Variants in GUCA1C observed in about 807,000 individuals in gnomAD.
The protein encoded by GUCA1C is guanylate cyclase activator 1C.
Under a neutral mutation model 16.2 loss-of-function variants are expected in GUCA1C, and 15 were observed. That is an observed-to-expected ratio of 0.93 (90% CI 0.62 to 1.43). The LOEUF (loss-of-function observed/expected upper bound fraction) is 1.43. Among genes scored for constraint, GUCA1C ranks in the 40% most tolerant of loss-of-function variants. The pLI, the probability that GUCA1C is intolerant of heterozygous loss-of-function variation, is 0.00. For synonymous variants in GUCA1C, 78 were observed against 85.4 expected, an observed-to-expected ratio of 0.91 and a Z score of 0.48; for missense variants, 275 against 244.8, an observed-to-expected ratio of 1.12 and a Z score of -0.82.
intron 1 of GUCA1C, among the ~76,000 whole-genome samples, chr3:108,923,423 T>C (rs1034175910): frequency 2.0e-5 from 3 of 152,170 alleles, no homozygotes; most frequent in African/African-American, 7.2e-5. Flanking sequence ...TCCCCCACTT[T>C]ATGTTTTTGT....
Position 108,919,159 on chromosome 3 carries a change from C to T in GUCA1C, c.354+1277G>A, listed in dbSNP as rs543252338. Among the ~76,000 whole-genome samples, 24 of 152,152 alleles carry T rather than the reference C, an allele frequency of 1.6e-4. 1 individual carries two copies. In the South Asian group the frequency reaches 2.1e-3, roughly 13 times the overall value. ...TAGTACTGATTAATTTAATTAGAGA[C>T]GAATGGTATCTAATTATTAAATTTC... On this transcript the variant is annotated intron_variant, in intron 2 of 3. Transcript: ENST00000261047.
Position 108,939,324 on chromosome 3 carries a change from CTTTTTTT to C in GUCA1C, c.204+14228_204+14234del, listed in dbSNP as rs549981150. On this transcript the variant is annotated intron_variant, in intron 1 of 3. Transcript: ENST00000261047. ...TGTTAATATATTACTTGCTTCAAGGCTTTTTTTTTTTTTTTTTTTTTTTTTGAGACGG... is the reference window on the plus strand; with the variant it reads ...TGTTAATATATTACTTGCTTCAAGGCTTTTTTTTTTTTTTTTTTGAGACGG... 9.7e-4 allele frequency among the ~76,000 whole-genome samples: 32 copies of C among 32,904 alleles called. 1 individual carries two copies. Among genetic ancestry groups the C allele is most frequent in the South Asian group, 7.3e-3 (7 of 962 alleles). The allele number at this position is 32,904 out of a possible 152,430, so 21.6% of individuals were successfully genotyped here.
chr3:108,917,703 A>G (rs1946531449), intron 2 of GUCA1C, among the ~76,000 whole-genome samples: 1 of 152,106 alleles, frequency 6.6e-6, no homozygotes, highest in Non-Finnish European at 1.5e-5. Context: ...TTCTGTAGGC[A>G]TGAATCATGC....
intron 3 of GUCA1C, among the ~76,000 whole-genome samples, chr3:108,909,269 T>C (rs1446745792): frequency 6.6e-6 from 1 of 152,218 alleles, no homozygotes; most frequent in Non-Finnish European, 1.5e-5. Context: ...GTTTTGCTTA[T>C]GCCAAAGAAA....
chr3:108,919,010 A>G (rs1405046164), intron 2 of GUCA1C, among the ~76,000 whole-genome samples: 1 of 152,192 alleles, frequency 6.6e-6, no homozygotes, highest in African/African-American at 2.4e-5. Context: ...AACAAAGATC[A>G]GCTTTTAGCC....
At chr3:108,935,659 G>T (rs1182092330) in intron 1 of GUCA1C, among the ~76,000 whole-genome samples, 1 of 152,078 alleles carries the variant, frequency 6.6e-6, no homozygotes, top group Non-Finnish European at 1.5e-5. Context: ...TTGCGCCACT[G>T]CACTCCAGCC....
chr3:108,924,017 T>C (rs1435755358), intron 1 of GUCA1C, among the ~76,000 whole-genome samples: 1 of 152,210 alleles, frequency 6.6e-6, no homozygotes, highest in African/African-American at 2.4e-5. Flanking sequence ...TAACTTTTGC[T>C]GAATTCATTT....
chr3:108,914,966 A>G (rs1391974873), intron 3 of GUCA1C, among the ~76,000 whole-genome samples: 1 of 105,448 alleles, frequency 9.5e-6, no homozygotes, highest in African/African-American at 3.7e-5. Flanking sequence ...AAGTGAGCAT[A>G]CTGAATTGAG....
chr3:108,932,344 A>ACT (rs1946677938), intron 1 of GUCA1C, among the ~76,000 whole-genome samples: 3 of 151,354 alleles, frequency 2.0e-5, no homozygotes, highest in Admixed American at 2.0e-4. Flanking sequence ...AAAAAACAAA[A>ACT]AAAAAAAACA....
At chr3:108,928,056 G>A (rs1460798781) in intron 1 of GUCA1C, among the ~76,000 whole-genome samples, 3 of 152,242 alleles carry the variant, frequency 2.0e-5, no homozygotes, top group African/African-American at 7.2e-5. Context: ...AAAGAGTCTT[G>A]TGATCTGTCT....
chr3:108,944,484 G>C (rs1946823808), intron 1 of GUCA1C, among the ~76,000 whole-genome samples: 1 of 152,204 alleles, frequency 6.6e-6, no homozygotes, highest in African/African-American at 2.4e-5. Flanking sequence ...GTGGAGGTCA[G>C]TAAGGGGAGG....
intron 3 of GUCA1C, among the ~76,000 whole-genome samples, chr3:108,914,919 A>G (rs1946491469): frequency 6.6e-6 from 1 of 152,070 alleles, no homozygotes; most frequent in South Asian, 2.1e-4. Flanking sequence ...TTTCACATGT[A>G]CTGACATGTT....
In GUCA1C at chr3:108,907,949, A is replaced by G; in HGVS notation, c.*73T>C. 1 of 1,078,036 alleles carries G rather than the reference A, an allele frequency of 9.3e-7. No homozygotes were observed. Among genetic ancestry groups the G allele is most frequent in the Non-Finnish European group, 1.4e-6 (1 of 731,696 alleles). The allele number at this position is 1,078,036 out of a possible 1,614,324, so 66.8% of individuals were successfully genotyped here. On this transcript the variant is annotated 3_prime_UTR_variant, in exon 4 of 4. Transcript: ENST00000261047. The stretch of plus-strand genomic sequence containing the variant: ...CAAAGACCTGAAATCAACAGCATGT[A>G]CATGGGGAAGATTCTATTTCTTCTC...
chr3:108,947,045 A>G (rs575983474), intron 1 of GUCA1C, among the ~76,000 whole-genome samples: 33 of 152,294 alleles, frequency 2.2e-4, no homozygotes, highest in African/African-American at 7.5e-4. Context: ...CAAAGAAATG[A>G]TAAGTATGTG....
intron 1 of GUCA1C, among the ~76,000 whole-genome samples, chr3:108,935,610 C>T (rs1238749571): frequency 1.3e-5 from 2 of 151,914 alleles, no homozygotes; most frequent in African/African-American, 2.4e-5. Flanking sequence ...GCAGGAGAAT[C>T]GCTTGAACCT....
intron 1 of GUCA1C, among the ~76,000 whole-genome samples, chr3:108,949,543 C>A (rs981634793): frequency 6.6e-6 from 1 of 152,182 alleles, no homozygotes; most frequent in African/African-American, 2.4e-5. Context: ...GGACTCAGGG[C>A]AAGCACAATT....
intron 1 of GUCA1C, among the ~76,000 whole-genome samples, chr3:108,924,729 TTGAC>T (rs1946605615): frequency 6.6e-6 from 1 of 152,208 alleles, no homozygotes; most frequent in Non-Finnish European, 1.5e-5. Context: ...CAATTCTTTT[TTGAC>T]TGTCTAATAT....
At chr3:108,917,890 C>CA (rs2107281046) in intron 2 of GUCA1C, among the ~76,000 whole-genome samples, 1 of 152,088 alleles carries the variant, frequency 6.6e-6, no homozygotes, top group East Asian at 1.9e-4. Context: ...ACTAAAAATA[C>CA]AAAAATTAGC....
chr3:108,943,503 T>G (rs1265991403), intron 1 of GUCA1C, among the ~76,000 whole-genome samples: 1 of 152,108 alleles, frequency 6.6e-6, no homozygotes, highest in Non-Finnish European at 1.5e-5. Flanking sequence ...ACAACAGCCC[T>G]CTGCATGAAT....
Sources: gnomAD v4.1 joint callset for allele counts (sites outside exome capture counted in the v4.1 genomes callset) on GRCh38, gnomAD v4.1.1 for gene constraint, MANE v1.5 for transcripts, NCBI Gene and HGNC (gene_info 2026-07-23, HGNC 2026-07-21) for gene names.